LTAP1: variants seen among roughly 807,000 people sequenced by gnomAD.
The protein encoded by LTAP1 is HCV NS5A-transactivated protein 4.
chr1:154,217,671 T>A, the LTAP1 span, among the ~76,000 whole-genome samples: 1 of 151,872 alleles, frequency 6.6e-6, no homozygotes, highest in Non-Finnish European at 1.5e-5. Context: ...TAGTTAGGAT[T>A]TTTTTCTTGT....
the LTAP1 span, among the ~76,000 whole-genome samples, chr1:154,210,281 C>T: frequency 1.3e-5 from 2 of 152,132 alleles, no homozygotes; most frequent in Non-Finnish European, 2.9e-5. Context: ...TCAAGTGATC[C>T]GCCCACCTTG....
the LTAP1 span, among the ~76,000 whole-genome samples, chr1:154,210,976 A>T: frequency 6.6e-6 from 1 of 152,068 alleles, no homozygotes; most frequent in Non-Finnish European, 1.5e-5. Context: ...TAATACTTTA[A>T]GTGGTAGTAA....
At chr1:154,219,729 C>T in the LTAP1 span, 3 of 861,162 alleles carry the variant, frequency 3.5e-6, no homozygotes, top group Non-Finnish European at 5.4e-6. Flanking sequence ...GACAAGTGCA[C>T]GCAAAGAAAC....
At chr1:154,220,521 C>T in the LTAP1 span, 23 of 1,210,076 alleles carry the variant, frequency 1.9e-5, no homozygotes, top group Non-Finnish European at 2.8e-5. Flanking sequence ...CGGCCATTTC[C>T]TTACGGGGGA....
chr1:154,211,009 A>T, the LTAP1 span, among the ~76,000 whole-genome samples: 1 of 151,642 alleles, frequency 6.6e-6, no homozygotes, highest in South Asian at 2.1e-4. Context: ...TTAATTTTTA[A>T]TTTTTATTTT....
At chr1:154,219,591 G>A in the LTAP1 span, among the ~76,000 whole-genome samples, 1 of 152,260 alleles carries the variant, frequency 6.6e-6, no homozygotes, top group Admixed American at 6.5e-5. Flanking sequence ...TGGGAACTTC[G>A]ACCCAAGCCC....
At chr1:154,212,630 G>A in the LTAP1 span, 3 of 1,613,676 alleles carry the variant, frequency 1.9e-6, no homozygotes, top group South Asian at 3.3e-5. Flanking sequence ...GATCTCTGTG[G>A]AGAAAACAGC....
At chr1:154,212,665 T>TA in the LTAP1 span, 2 of 1,609,990 alleles carry the variant, frequency 1.2e-6, no homozygotes, top group South Asian at 1.1e-5. Flanking sequence ...TCTCATTCTT[T>TA]AGTCTTTTTT....
chr1:154,212,306 C>T, the LTAP1 span: 1 of 1,614,040 alleles, frequency 6.2e-7, no homozygotes, highest in Admixed American at 1.7e-5. Flanking sequence ...TGACACGTTC[C>T]CCTCCAAACT....
chr1:154,210,937 GCGAT>G, the LTAP1 span, among the ~76,000 whole-genome samples: 15 of 152,134 alleles, frequency 9.9e-5, no homozygotes, highest in African/African-American at 3.6e-4. Flanking sequence ...TGACTCTATA[GCGAT>G]GGCCTTTGTT....
chr1:154,212,740 C>T, the LTAP1 span: 3 of 1,086,310 alleles, frequency 2.8e-6, no homozygotes, highest in Non-Finnish European at 4.0e-6. Context: ...TGGCTCACTG[C>T]AACCTCCACC....
chr1:154,212,403 A>G, the LTAP1 span: 1 of 1,614,022 alleles, frequency 6.2e-7, no homozygotes, highest in Middle Eastern at 1.6e-4. Context: ...AGGAAGAGTG[A>G]GGATCTCTCA....
chr1:154,220,552 T>A, the LTAP1 span: 3 of 788,128 alleles, frequency 3.8e-6, no homozygotes, highest in African/African-American at 1.7e-5. Context: ...AGACCCGGCC[T>A]GAAAACATGG....
At chr1:154,220,398 C>A in the LTAP1 span, 2 of 1,614,224 alleles carry the variant, frequency 1.2e-6, no homozygotes, top group Non-Finnish European at 1.7e-6. Context: ...CAGTTACTGC[C>A]GGACGCCATG....
chr1:154,214,851 T>C, the LTAP1 span, among the ~76,000 whole-genome samples: 1 of 151,968 alleles, frequency 6.6e-6, no homozygotes, highest in African/African-American at 2.4e-5. Context: ...CCAATTTTTT[T>C]TTTTTTTTTT....
the LTAP1 span, among the ~76,000 whole-genome samples, chr1:154,208,901 C>A: frequency 6.6e-6 from 1 of 152,252 alleles, no homozygotes; most frequent in South Asian, 2.1e-4. Context: ...GTGCATACCA[C>A]AATGCCCAGC....
chr1:154,220,023 C>A, the LTAP1 span: 1 of 1,153,298 alleles, frequency 8.7e-7, no homozygotes, highest in East Asian at 2.5e-5. Flanking sequence ...CATTCCAAAT[C>A]CCCAGATTCC....
the LTAP1 span, among the ~76,000 whole-genome samples, chr1:154,210,740 G>A: frequency 6.6e-6 from 1 of 152,232 alleles, no homozygotes; most frequent in East Asian, 1.9e-4. Flanking sequence ...CGGCCTCCCA[G>A]TGTTGGGATT....
the LTAP1 span, among the ~76,000 whole-genome samples, chr1:154,215,088 G>A: frequency 6.6e-6 from 1 of 151,856 alleles, no homozygotes; most frequent in Non-Finnish European, 1.5e-5. Context: ...CAAGTGATCC[G>A]CCTGCCTTGG....
Sources: allele counts gnomAD v4.1 joint callset (sites outside exome capture counted in the v4.1 genomes callset), GRCh38; gene constraint gnomAD v4.1.1; transcripts MANE v1.5; gene names NCBI Gene and HGNC (gene_info 2026-07-23, HGNC 2026-07-21).